VTCN1: variants seen among roughly 807,000 people sequenced by gnomAD.
VTCN1 encodes the protein V-set domain containing T cell activation inhibitor 1.
A neutral mutation model predicts 26.5 loss-of-function variants in VTCN1; 26 were observed. The observed-to-expected ratio is 0.98, with a 90% CI of 0.72 to 1.36. The LOEUF (loss-of-function observed/expected upper bound fraction) is 1.36. Among genes scored for constraint, VTCN1 ranks in the 40% most tolerant of loss-of-function variants. The pLI is 0.00. For missense variants in VTCN1, 298 were observed against 337.7 expected, an observed-to-expected ratio of 0.88 and a Z score of 0.92; for synonymous variants, 116 against 130.7, an observed-to-expected ratio of 0.89 and a Z score of 0.77.
chr1:117,153,193 T>C lies in VTCN1; in HGVS notation c.622A>G (p.Met208Val), dbSNP rs1443124633. ...SFELNSENVT[M>V]KVVSVLYNVT... ...TTGTAGAGCACAGACACAACCTTCATGGTCACATTCTCAGAGTTCAGCTCA... is the reference window on the plus strand; with the variant it reads ...TTGTAGAGCACAGACACAACCTTCACGGTCACATTCTCAGAGTTCAGCTCA... The change falls in exon 4 of 6, where the codon ATG becomes GTG. Residue 208 changes from methionine to valine, a missense_variant. Met to Val is a conservative substitution (Grantham distance 21, BLOSUM62 1). Transcript: ENST00000369458. 3 of 1,614,192 alleles carry C rather than the reference T, an allele frequency of 1.9e-6. No homozygotes were observed. The highest frequency in any genetic ancestry group is 2.5e-6 in the Non-Finnish European group (3 of 1,180,024).
At chr1:117,148,798 G>C (rs746110526) in intron 4 of VTCN1, among the ~76,000 whole-genome samples, 4 of 152,100 alleles carry the variant, frequency 2.6e-5, no homozygotes, top group Non-Finnish European at 5.9e-5. Flanking sequence ...TATGTTAATA[G>C]AGAATGAGGC....
At position 117,155,524 on chromosome 1, in the gene VTCN1, T is replaced by G. The variant is rs1318086661; in HGVS notation, c.445+1050A>C. Among the ~76,000 whole-genome samples, 1 of 152,226 alleles carries G rather than the reference T, an allele frequency of 6.6e-6. No individual in the cohort carries two copies. Among genetic ancestry groups the G allele is most frequent in the Non-Finnish European group, 1.5e-5 (1 of 68,038 alleles). The stretch of plus-strand genomic sequence containing the variant: ...AGTTATAATTCAATACTATGTTACT[T>G]ATTTTGTTGCTTAAATTGTTCCAGC... On this transcript the variant is annotated intron_variant, in intron 3 of 5. Transcript: ENST00000369458. The surrounding 1 kb of genome is among the most constrained non-coding windows in gnomAD (Gnocchi z 4.8).
At chr1:117,195,944 G>T (rs1179797571) in intron 1 of VTCN1, among the ~76,000 whole-genome samples, 1 of 152,056 alleles carries the variant, frequency 6.6e-6, no homozygotes, top group African/African-American at 2.4e-5. Context: ...TGAGCCCAGG[G>T]GTTTGAGACC....
At chr1:117,166,133 T>C (rs75294073) in intron 2 of VTCN1, among the ~76,000 whole-genome samples, 1,564 of 152,278 alleles carry the variant, frequency 0.01, 25 homozygotes, top group African/African-American at 0.036. Context: ...CAACTGTCCA[T>C]TCAAAAAGCA....
At chr1:117,196,989 C>A (rs1236662774) in intron 1 of VTCN1, among the ~76,000 whole-genome samples, 1 of 152,182 alleles carries the variant, frequency 6.6e-6, no homozygotes, top group East Asian at 1.9e-4. Flanking sequence ...CATCTTGCAG[C>A]TCACTTCTTT....
At chr1:117,148,815 G>A (rs768718496) in intron 4 of VTCN1, among the ~76,000 whole-genome samples, 1 of 152,182 alleles carries the variant, frequency 6.6e-6, no homozygotes, top group Non-Finnish European at 1.5e-5. Context: ...AGGCTTTGTA[G>A]TTAGGCAAGT....
chr1:117,170,148 A>C lies in VTCN1; in HGVS notation c.56T>G (p.Leu19Arg). ...AATGATGAGTGCAATTGCTCCAGCCAGAATAATGATGATGCTAATTATGCT... is the reference window on the plus strand; with the variant it reads ...AATGATGAGTGCAATTGCTCCAGCCCGAATAATGATGATGCTAATTATGCT... Reference protein sequence around the residue: ...FWSIISIIIILAGAIALIIGF... With the variant: ...FWSIISIIIIRAGAIALIIGF... Residue 19 changes from leucine (L) to arginine (R), a missense_variant, in exon 2 of 6, where the codon CTG becomes CGG. Transcript: ENST00000369458. The C allele has an allele frequency of 6.2e-7, 1 of 1,614,002 alleles. No individual in the cohort carries two copies. Among genetic ancestry groups the C allele is most frequent in the Non-Finnish European group, 8.5e-7 (1 of 1,179,948 alleles).
rs1357333251 is a variant in VTCN1 at position 117,156,148 on chromosome 1, T to C, written c.445+426A>G. 2.6e-5 allele frequency among the ~76,000 whole-genome samples: 4 copies of C among 152,194 alleles called. No individual in the cohort carries two copies. The East Asian group carries it at 7.7e-4, about 29-fold the overall frequency. The stretch of plus-strand genomic sequence containing the variant: ...TTAATGAGTTTATAGGACAATGTTG[T>C]TTTCGTTTTGGTTAGTTCCCTTTGA... On this transcript the variant is annotated intron_variant, in intron 3 of 5. Coordinates refer to ENST00000369458, the MANE Select transcript of VTCN1 (RefSeq NM_024626.4).
At chr1:117,166,483 G>A (rs1412441662) in intron 2 of VTCN1, among the ~76,000 whole-genome samples, 6 of 151,838 alleles carry the variant, frequency 4.0e-5, no homozygotes, top group African/African-American at 7.3e-5. Flanking sequence ...GGCCTGGCGC[G>A]GTGGCTCACA....
At chr1:117,165,849 A>C (rs1652579737) in intron 2 of VTCN1, among the ~76,000 whole-genome samples, 1 of 152,252 alleles carries the variant, frequency 6.6e-6, no homozygotes, top group Non-Finnish European at 1.5e-5. Context: ...ATATTAAACC[A>C]GCTAATATTT....
intron 1 of VTCN1, chr1:117,203,500 G>GCTGGCAGCAGCAGGAAC (rs1553213849): frequency 3.2e-6 from 2 of 620,780 alleles, no homozygotes; most frequent in Admixed American, 6.3e-5. Flanking sequence ...TGACCGCTGT[G>GCTGGCAGCAGCAGGAAC]CTGGCAGCAG....
chr1:117,176,593 T>C (rs2101541324), intron 1 of VTCN1, among the ~76,000 whole-genome samples: 1 of 152,324 alleles, frequency 6.6e-6, no homozygotes, highest in South Asian at 2.1e-4. Flanking sequence ...TCCTTATAGA[T>C]CATTAGTTTA....
intron 2 of VTCN1, among the ~76,000 whole-genome samples, chr1:117,166,998 C>T (rs1342142769): frequency 1.3e-5 from 2 of 150,120 alleles, no homozygotes; most frequent in Non-Finnish European, 2.9e-5. Flanking sequence ...GAGACTGAGG[C>T]AGAAGAATAA....
chr1:117,204,941 CT>C (rs1347101841), intron 1 of VTCN1, among the ~76,000 whole-genome samples: 1 of 151,368 alleles, frequency 6.6e-6, no homozygotes, highest in East Asian at 1.9e-4. Flanking sequence ...CTACTTTATT[CT>C]GATTATCCCA....
chr1:117,177,940 G>A (rs921848338), intron 1 of VTCN1, among the ~76,000 whole-genome samples: 1 of 140,978 alleles, frequency 7.1e-6, no homozygotes, highest in Non-Finnish European at 1.5e-5. Flanking sequence ...TTTTTTTTTG[G>A]CGGGGTAGGT....
intron 1 of VTCN1, among the ~76,000 whole-genome samples, chr1:117,210,474 C>G (rs1019183094): frequency 6.6e-6 from 1 of 152,230 alleles, no homozygotes; most frequent in Non-Finnish European, 1.5e-5. Context: ...GCAACCCACA[C>G]CAGCCTGCTC....
At chr1:117,163,191 G>A (rs181834321) in intron 2 of VTCN1, among the ~76,000 whole-genome samples, 4 of 152,348 alleles carry the variant, frequency 2.6e-5, no homozygotes, top group Admixed American at 2.6e-4. Flanking sequence ...GCCAGATACG[G>A]GAACAATGTA....
intron 2 of VTCN1, among the ~76,000 whole-genome samples, chr1:117,164,002 C>T (rs960102688): frequency 6.6e-6 from 1 of 152,106 alleles, no homozygotes; most frequent in Admixed American, 6.5e-5. Context: ...TGTGATAGGT[C>T]ACTCACCAGG....
chr1:117,165,840 T>C (rs535876959), intron 2 of VTCN1, among the ~76,000 whole-genome samples: 2 of 152,380 alleles, frequency 1.3e-5, no homozygotes, highest in South Asian at 2.1e-4. Flanking sequence ...ATGTCTTATA[T>C]ATTAAACCAG....
Sources: allele counts gnomAD v4.1 joint callset (sites outside exome capture counted in the v4.1 genomes callset), GRCh38; gene constraint gnomAD v4.1.1; non-coding constraint Gnocchi (gnomAD v3.1); transcripts MANE v1.5; gene names NCBI Gene and HGNC (gene_info 2026-07-23, HGNC 2026-07-21).